The following ANKIB1 variants were observed in gnomAD, a reference collection of about 807,000 sequenced individuals.
ANKIB1 encodes ankyrin repeat and IBR domain-containing protein 1.
Under a neutral mutation model 122.1 loss-of-function variants are expected in ANKIB1, and 43 were observed. That is an observed-to-expected ratio of 0.35 (90% CI 0.28 to 0.45). The LOEUF is 0.45. Among genes scored for constraint, ANKIB1 ranks in the 20% least tolerant of loss-of-function variants. The pLI, the probability that ANKIB1 is intolerant of heterozygous loss-of-function variation, is 1.00. For synonymous variants in ANKIB1, 390 were observed against 442.0 expected (o/e 0.88, Z 1.48); for missense variants, 992 against 1,329.5 (o/e 0.75, Z 3.95).
intron 1 of ANKIB1, among the ~76,000 whole-genome samples, chr7:92,257,121 C>T (rs1801463391): frequency 1.3e-5 from 2 of 149,724 alleles, no homozygotes; most frequent in Admixed American, 6.7e-5. Context: ...ACCTGAGAGG[C>T]GGAGCTTGCA....
intron 5 of ANKIB1, among the ~76,000 whole-genome samples, chr7:92,341,286 G>C (rs1306894317): frequency 1.3e-5 from 2 of 150,986 alleles, no homozygotes; most frequent in African/African-American, 4.9e-5. Context: ...CTCCAGCCTG[G>C]GTGACAAAGC....
At chr7:92,338,459 T>C (rs1803341183) in intron 5 of ANKIB1, among the ~76,000 whole-genome samples, 1 of 151,188 alleles carries the variant, frequency 6.6e-6, no homozygotes. Flanking sequence ...GAAATTAATA[T>C]ATATGTTTTA....
chr7:92,356,328 T>C (rs1417735720), intron 9 of ANKIB1, among the ~76,000 whole-genome samples: 1 of 152,208 alleles, frequency 6.6e-6, no homozygotes, highest in Non-Finnish European at 1.5e-5. Flanking sequence ...GATTAACAGC[T>C]CTAGTTATGG....
rs200883030 is a variant in ANKIB1 at position 92,376,457 on chromosome 7, T to TTA, written c.1617+4851_1617+4852insAT. 2.0e-3 allele frequency among the ~76,000 whole-genome samples: 310 copies of TTA among 151,668 alleles called. 1 individual carries two copies. Among genetic ancestry groups the TTA allele is most frequent in the African/African-American group, 7.0e-3 (290 of 41,406 alleles). ...GCACTTTTTTTTTATTTTTTATTTT[T>TTA]TTTTTTTTTGAGACAAAGTCTCGCT... On this transcript the variant is annotated intron_variant, in intron 11 of 19. Transcript: ENST00000265742.
In ANKIB1 at chr7:92,352,515, A is replaced by G. The variant is rs1343485526; in HGVS notation, c.1270A>G (p.Thr424Ala). ...ENNPAIKWCPTPGCDRAVRLT... is the reference protein window; with the variant it reads ...ENNPAIKWCPAPGCDRAVRLT... ...TAATCCTGCCATTAAATGGTGTCCT[A>G]CTCCAGGCTGTGACAGAGCAGTAAG... Residue 424 changes from threonine to alanine, a missense_variant, in exon 9 of 20, where the codon ACT (threonine) becomes GCT (alanine). Thr to Ala is a moderately conservative substitution (Grantham distance 58, BLOSUM62 0). Around this residue, in one of 4 missense-constraint regions of ANKIB1, gnomAD observed 521 missense variants for 777.7 expected, o/e 0.67. Coordinates refer to ENST00000265742, the MANE Select transcript of ANKIB1 (RefSeq NM_019004.2). The G allele has an allele frequency of 6.2e-7, 1 of 1,613,644 alleles. No individual in the cohort carries two copies. Among genetic ancestry groups the G allele is most frequent in the Non-Finnish European group, 8.5e-7 (1 of 1,179,804 alleles).
chr7:92,362,343 T>C, intron 10 of ANKIB1, 70 bp downstream of exon 10: 1 of 1,373,614 alleles, frequency 7.3e-7, no homozygotes, highest in Non-Finnish European at 1.0e-6. Context: ...TGGTCATATC[T>C]TTTTTAGTCT....
chr7:92,291,694 AGCC>A (rs1562772904), intron 1 of ANKIB1, among the ~76,000 whole-genome samples: 2 of 149,776 alleles, frequency 1.3e-5, no homozygotes, highest in African/African-American at 4.9e-5. Context: ...CTCCTGCCGC[AGCC>A]GCCTGATTAG....
At chr7:92,330,840 TCAAAA>T (rs1394279264) in intron 5 of ANKIB1, among the ~76,000 whole-genome samples, 33 of 152,170 alleles carry the variant, frequency 2.2e-4, no homozygotes, top group African/African-American at 8.0e-4. Context: ...AGACTCTGTC[TCAAAA>T]CAAAAACAAA....
chr7:92,351,757 G>A (rs1282965503), intron 8 of ANKIB1, among the ~76,000 whole-genome samples: 1 of 112,412 alleles, frequency 8.9e-6, no homozygotes, highest in Non-Finnish European at 1.7e-5. Flanking sequence ...GTCTCATTCT[G>A]TCTCCCAGGC....
At chr7:92,287,691 T>C (rs992535566) in intron 1 of ANKIB1, among the ~76,000 whole-genome samples, 3 of 152,112 alleles carry the variant, frequency 2.0e-5, no homozygotes, top group African/African-American at 7.2e-5. Context: ...AAAATTCATC[T>C]ATCTAGTGCA....
intron 2 of ANKIB1, among the ~76,000 whole-genome samples, chr7:92,298,457 C>A (rs552124136): frequency 6.6e-6 from 1 of 151,648 alleles, no homozygotes; most frequent in East Asian, 1.9e-4. Flanking sequence ...TACTTTTTAA[C>A]CCCTTATAGT....
intron 7 of ANKIB1, among the ~76,000 whole-genome samples, chr7:92,346,892 A>C (rs975139469): frequency 1.3e-5 from 2 of 152,226 alleles, no homozygotes; most frequent in African/African-American, 4.8e-5. Flanking sequence ...TTAAATTTGA[A>C]AGATCTAATT....
At chr7:92,293,642 A>G (rs929324133) in intron 1 of ANKIB1, among the ~76,000 whole-genome samples, 2 of 152,224 alleles carry the variant, frequency 1.3e-5, no homozygotes, top group African/African-American at 2.4e-5. Context: ...AAATAATTAT[A>G]TCATTGCCCT....
chr7:92,335,321 A>G (rs1008186124), intron 5 of ANKIB1, among the ~76,000 whole-genome samples: 23 of 151,956 alleles, frequency 1.5e-4, no homozygotes, highest in African/African-American at 5.1e-4. Flanking sequence ...TGTCTTGATG[A>G]CTATATCATG....
chr7:92,302,073 A>G (rs1802468646), intron 2 of ANKIB1, among the ~76,000 whole-genome samples: 1 of 152,028 alleles, frequency 6.6e-6, no homozygotes, highest in Non-Finnish European at 1.5e-5. Flanking sequence ...AGCTGGGATT[A>G]CAGGTGCCTG....
At chr7:92,268,457 T>A (rs1167916441) in intron 1 of ANKIB1, among the ~76,000 whole-genome samples, 4 of 152,192 alleles carry the variant, frequency 2.6e-5, no homozygotes, top group Non-Finnish European at 5.9e-5. Context: ...GGCATTATCT[T>A]CTTTTAGAAT....
intron 2 of ANKIB1, among the ~76,000 whole-genome samples, chr7:92,298,033 T>C (rs959256314): frequency 2.0e-5 from 3 of 152,164 alleles, no homozygotes; most frequent in Non-Finnish European, 4.4e-5. Context: ...TCTTTGTGAA[T>C]TCATCCCCAA....
intron 1 of ANKIB1, among the ~76,000 whole-genome samples, chr7:92,292,728 A>G (rs1211583437): frequency 1.3e-5 from 2 of 152,198 alleles, no homozygotes; most frequent in Admixed American, 6.5e-5. Context: ...AAAATTAAAT[A>G]AAAACTTAAC....
intron 10 of ANKIB1, among the ~76,000 whole-genome samples, chr7:92,367,032 A>C (rs1054999638): frequency 6.6e-6 from 1 of 152,122 alleles, no homozygotes; most frequent in Non-Finnish European, 1.5e-5. Flanking sequence ...TCCTCATGAT[A>C]ATGATCCTGA....
Sources: gnomAD v4.1 joint callset for allele counts (sites outside exome capture counted in the v4.1 genomes callset) on GRCh38, gnomAD v4.1.1 for gene constraint, gnomAD v4.1.1 regional missense constraint, MANE v1.5 for transcripts, NCBI Gene and HGNC (gene_info 2026-07-23, HGNC 2026-07-21) for gene names.